TENM3: variants seen among roughly 807,000 people sequenced by gnomAD.
The protein encoded by TENM3 is teneurin transmembrane protein 3.
In TENM3, 63 loss-of-function variants were observed where a neutral mutation model predicts 255.1. The ratio of observed to expected loss-of-function variants is 0.25; its 90% CI spans 0.20 to 0.30. The LOEUF is 0.30. Ranked by LOEUF, TENM3 falls within the 10% of genes least tolerant of loss-of-function variation. The probability of loss-of-function intolerance (pLI) is 1.00; values close to 1 mark genes in which losing one functional copy is unlikely to be tolerated. For synonymous variants in TENM3, 1,306 were observed against 1,322.3 expected (o/e 0.99, Z 0.27); for missense variants, 2,929 against 3,461.1 (o/e 0.85, Z 3.86).
At chr4:182,099,932 G>A in the TENM3 span, among the ~76,000 whole-genome samples, 1 of 152,114 alleles carries the variant, frequency 6.6e-6, no homozygotes, top group Non-Finnish European at 1.5e-5. Flanking sequence ...CTGAACAATT[G>A]TACCTTTAGA....
chr4:181,605,622 G>A, the TENM3 span, among the ~76,000 whole-genome samples: 1 of 146,830 alleles, frequency 6.8e-6, no homozygotes, highest in Non-Finnish European at 1.5e-5. Context: ...AGAAAAGAAA[G>A]AACAAGCAAA....
intron 3 of TENM3, among the ~76,000 whole-genome samples, chr4:182,574,954 T>C (rs1744777809): frequency 6.6e-6 from 1 of 152,182 alleles, no homozygotes; most frequent in African/African-American, 2.4e-5. Flanking sequence ...TTTGCTAAAC[T>C]TGAAGCTAAT....
the TENM3 span, among the ~76,000 whole-genome samples, chr4:181,579,246 G>A: frequency 6.6e-6 from 1 of 151,826 alleles, no homozygotes; most frequent in East Asian, 1.9e-4. Flanking sequence ...CCACATCAGG[G>A]TGCCCTCACC....
chr4:181,939,063 GA>G, the TENM3 span, among the ~76,000 whole-genome samples: 41 of 149,884 alleles, frequency 2.7e-4, 2 homozygotes, highest in African/African-American at 6.1e-4. Context: ...AGTAATGTAA[GA>G]AAAAAAAAGA....
At chr4:181,550,299 T>C in the TENM3 span, among the ~76,000 whole-genome samples, 2 of 152,222 alleles carry the variant, frequency 1.3e-5, no homozygotes, top group East Asian at 3.8e-4. Context: ...GAAGATTCTC[T>C]ACTTTGATCA....
At chr4:181,959,786 A>T in the TENM3 span, among the ~76,000 whole-genome samples, 4 of 152,240 alleles carry the variant, frequency 2.6e-5, no homozygotes, top group African/African-American at 9.6e-5. Flanking sequence ...AAAAGTAGAA[A>T]TATATGGAGT....
At chr4:181,919,988 G>T in the TENM3 span, among the ~76,000 whole-genome samples, 11 of 148,536 alleles carry the variant, frequency 7.4e-5, no homozygotes, top group African/African-American at 2.7e-4. Context: ...GCAGTGTTTG[G>T]TTTTTTGTTC....
intron 24 of TENM3, among the ~76,000 whole-genome samples, chr4:182,785,508 G>A (rs1765570502): frequency 1.3e-5 from 2 of 150,912 alleles, no homozygotes; most frequent in South Asian, 4.3e-4. Context: ...AGGAGTTTGA[G>A]ACCAGCCAGG....
the TENM3 span, among the ~76,000 whole-genome samples, chr4:181,888,494 G>GTGTATATATA: frequency 3.5e-5 from 1 of 28,242 alleles, no homozygotes; most frequent in Non-Finnish European, 6.0e-5. Flanking sequence ...ATAGAAATGT[G>GTGTATATATA]TATATATATA....
intron 3 of TENM3, among the ~76,000 whole-genome samples, chr4:182,389,767 G>C (rs1580385109): frequency 7.0e-6 from 1 of 142,734 alleles, no homozygotes; most frequent in South Asian, 2.2e-4. Flanking sequence ...CTCACTGCAA[G>C]CTCCGCCTCC....
the TENM3 span, among the ~76,000 whole-genome samples, chr4:181,563,602 T>A: frequency 6.6e-6 from 1 of 152,318 alleles, no homozygotes; most frequent in South Asian, 2.1e-4. Flanking sequence ...ACTTTGGAAC[T>A]GAAAGCCAAC....
intron 1 of TENM3, among the ~76,000 whole-genome samples, chr4:182,209,932 C>A (rs191822471): frequency 5.2e-4 from 79 of 152,088 alleles, no homozygotes; most frequent in African/African-American, 1.7e-3. Context: ...ATGTCTCAGT[C>A]CACTCCTCTA....
chr4:182,741,793 T>G (rs1761627006), intron 18 of TENM3, among the ~76,000 whole-genome samples: 1 of 152,250 alleles, frequency 6.6e-6, no homozygotes. Context: ...AAATTTGCTA[T>G]GATTATTACA....
At chr4:181,696,396 G>T in the TENM3 span, among the ~76,000 whole-genome samples, 1 of 152,052 alleles carries the variant, frequency 6.6e-6, no homozygotes, top group African/African-American at 2.4e-5. Flanking sequence ...AGGGGACATT[G>T]TCTCCAAAGG....
At chr4:181,739,461 A>G in the TENM3 span, among the ~76,000 whole-genome samples, 3 of 152,204 alleles carry the variant, frequency 2.0e-5, no homozygotes, top group East Asian at 5.8e-4. Context: ...TAAAAATCTA[A>G]TTAAAACTTT....
intron 5 of TENM3, among the ~76,000 whole-genome samples, chr4:182,641,892 C>A (rs1394518882): frequency 6.6e-6 from 1 of 152,176 alleles, no homozygotes. Flanking sequence ...GTGAGTACTG[C>A]AAGCCTTTGA....
At chr4:182,710,010 AT>A (rs1346780149) in intron 12 of TENM3, among the ~76,000 whole-genome samples, 1 of 152,204 alleles carries the variant, frequency 6.6e-6, no homozygotes. Context: ...GCTTTGCATA[AT>A]TGATTCTGTT....
At chr4:182,427,047 A>T (rs947745918) in intron 3 of TENM3, among the ~76,000 whole-genome samples, 1 of 152,094 alleles carries the variant, frequency 6.6e-6, no homozygotes, top group Non-Finnish European at 1.5e-5. Context: ...TGGTATTCAG[A>T]TTCTTTATGT....
chr4:182,784,917 G>C (rs533423428), intron 24 of TENM3, among the ~76,000 whole-genome samples: 1 of 152,028 alleles, frequency 6.6e-6, no homozygotes, highest in Admixed American at 6.6e-5. Flanking sequence ...TTCGGCTCGC[G>C]CACGGTGCGC....
Sources: gnomAD v4.1 joint callset for allele counts (sites outside exome capture counted in the v4.1 genomes callset) on GRCh38, gnomAD v4.1.1 for gene constraint, MANE v1.5 for transcripts, NCBI Gene and HGNC (gene_info 2026-07-23, HGNC 2026-07-21) for gene names.